PTPRM: variants seen among roughly 807,000 people sequenced by gnomAD.
The protein encoded by PTPRM is receptor-type tyrosine-protein phosphatase mu.
A neutral mutation model predicts 186.7 loss-of-function variants in PTPRM; 47 were observed. The observed-to-expected ratio is 0.25, with a 90% confidence interval of 0.20 to 0.32. The LOEUF (loss-of-function observed/expected upper bound fraction) is 0.32, where lower values mean the gene tolerates loss of function less well. Among genes scored for constraint, PTPRM ranks in the 10% least tolerant of loss-of-function variants. The pLI is 1.00. For missense variants in PTPRM, 1,494 were observed against 1,865.0 expected (o/e 0.80, Z 3.66); for synonymous variants, 668 against 674.9 (o/e 0.99, Z 0.16).
intron 14 of PTPRM, among the ~76,000 whole-genome samples, chr18:8,232,260 C>T (rs974177943): frequency 2.6e-5 from 4 of 152,222 alleles, no homozygotes; most frequent in Non-Finnish European, 4.4e-5. Context: ...GTTTAAGTTT[C>T]CTCCATGCCT....
intron 20 of PTPRM, among the ~76,000 whole-genome samples, chr18:8,311,199 C>T (rs1406324436): frequency 3.3e-5 from 5 of 151,966 alleles, no homozygotes; most frequent in Non-Finnish European, 7.3e-5. Context: ...ATCCCAGCTA[C>T]TCAGGAGGCT....
chr18:8,131,938 A>G (rs757688768), intron 13 of PTPRM, among the ~76,000 whole-genome samples: 32 of 152,338 alleles, frequency 2.1e-4, no homozygotes, highest in Non-Finnish European at 4.0e-4. Flanking sequence ...GAGCTTTTCC[A>G]TTTGCTCTAG....
At chr18:7,892,606 C>T (rs915132697) in intron 3 of PTPRM, among the ~76,000 whole-genome samples, 1 of 152,160 alleles carries the variant, frequency 6.6e-6, no homozygotes, top group Admixed American at 6.5e-5. Flanking sequence ...GAAGTTTTTT[C>T]TCATAGCTTT....
intron 2 of PTPRM, among the ~76,000 whole-genome samples, chr18:7,805,967 G>A (rs1371610774): frequency 6.6e-6 from 1 of 152,196 alleles, no homozygotes; most frequent in Non-Finnish European, 1.5e-5. Context: ...CAGAAATGAA[G>A]AGGGAGGCCA....
intron 20 of PTPRM, among the ~76,000 whole-genome samples, chr18:8,300,875 G>A (rs564208659): frequency 6.0e-4 from 91 of 152,138 alleles, no homozygotes; most frequent in Middle Eastern, 6.8e-3. Flanking sequence ...CTGGGTATCC[G>A]TGTTACCCCT....
At chr18:8,152,643 CTT>C (rs1160615968) in intron 14 of PTPRM, among the ~76,000 whole-genome samples, 1 of 150,212 alleles carries the variant, frequency 6.7e-6, no homozygotes, top group East Asian at 2.0e-4. Context: ...CTATTTCTCT[CTT>C]TATTTCCTTT....
rs113929170 is a variant in PTPRM, at chr18:7,753,893, C to T, written c.74-20256C>T. Reference sequence around the variant, plus strand: ...CATTATTTCATTTTGGGACCTGCTACACTGTTGGATTTTTGGCTTTACTCA... The same window carrying T: ...CATTATTTCATTTTGGGACCTGCTATACTGTTGGATTTTTGGCTTTACTCA... On this transcript the variant is annotated intron_variant, in intron 1 of 32. Coordinates refer to ENST00000580170, the MANE Select transcript of PTPRM (RefSeq NM_001105244.2). Among the ~76,000 whole-genome samples the T allele has an allele frequency of 2.5e-3, 380 of 151,932 alleles. 1 individual carries two copies. Among genetic ancestry groups the T allele is most frequent in the African/African-American group, 8.7e-3 (359 of 41,414 alleles).
At chr18:7,981,210 C>T (rs560203469) in intron 7 of PTPRM, among the ~76,000 whole-genome samples, 2 of 152,260 alleles carry the variant, frequency 1.3e-5, no homozygotes, top group African/African-American at 2.4e-5. Context: ...ATATCCCCTC[C>T]TCAGGGAGGC....
intron 4 of PTPRM, among the ~76,000 whole-genome samples, chr18:7,917,453 G>A (rs900918338): frequency 3.3e-5 from 5 of 152,092 alleles, no homozygotes; most frequent in African/African-American, 1.2e-4. Flanking sequence ...GGAGAATGGC[G>A]TGAACCTGGG....
intron 19 of PTPRM, among the ~76,000 whole-genome samples, chr18:8,293,826 C>T (rs1162572280): frequency 6.6e-6 from 1 of 152,162 alleles, no homozygotes; most frequent in Non-Finnish European, 1.5e-5. Context: ...TAGATGGAAT[C>T]AACTAGCGAT....
intron 1 of PTPRM, among the ~76,000 whole-genome samples, chr18:7,600,831 G>T (rs2037382860): frequency 6.6e-6 from 1 of 152,218 alleles, no homozygotes; most frequent in African/African-American, 2.4e-5. Context: ...GCGCCCCTCA[G>T]TTCCCCTCTG....
intron 1 of PTPRM, among the ~76,000 whole-genome samples, chr18:7,766,766 A>G (rs545017550): frequency 3.3e-4 from 51 of 152,246 alleles, no homozygotes; most frequent in Non-Finnish European, 6.2e-4. Context: ...CTTCTTGCCC[A>G]CTAGTACAGA....
intron 1 of PTPRM, among the ~76,000 whole-genome samples, chr18:7,752,112 G>T (rs903270015): frequency 1.3e-5 from 2 of 152,108 alleles, no homozygotes; most frequent in Non-Finnish European, 2.9e-5. Context: ...TTTTCCTCCT[G>T]TTTCCCCTCC....
At chr18:7,882,505 C>A (rs2048561741) in intron 2 of PTPRM, among the ~76,000 whole-genome samples, 1 of 152,064 alleles carries the variant, frequency 6.6e-6, no homozygotes, top group South Asian at 2.1e-4. Flanking sequence ...CTCTCGTATT[C>A]TAAATCCACA....
At chr18:7,700,918 A>T (rs2039946301) in intron 1 of PTPRM, among the ~76,000 whole-genome samples, 1 of 143,474 alleles carries the variant, frequency 7.0e-6, no homozygotes, top group Admixed American at 7.4e-5. Context: ...CGGAGGTTGC[A>T]GTGAGCTGAG....
chr18:7,785,345 G>A (rs960156034), intron 2 of PTPRM, among the ~76,000 whole-genome samples: 1 of 152,172 alleles, frequency 6.6e-6, no homozygotes, highest in Non-Finnish European at 1.5e-5. Context: ...ATATGAATAT[G>A]TTGGAGAATA....
chr18:7,778,443 A>G (rs1019945245), intron 2 of PTPRM, among the ~76,000 whole-genome samples: 21 of 152,004 alleles, frequency 1.4e-4, no homozygotes, highest in Non-Finnish European at 2.4e-4. Flanking sequence ...TCTAGTAGCA[A>G]TGGGGAAATT....
chr18:7,879,500 C>T (rs564748218), intron 2 of PTPRM, among the ~76,000 whole-genome samples: 5 of 152,120 alleles, frequency 3.3e-5, no homozygotes, highest in Non-Finnish European at 5.9e-5. Flanking sequence ...TGCCCCAATA[C>T]ATAATGGGTG....
chr18:7,933,536 T>C (rs571880664), intron 5 of PTPRM, among the ~76,000 whole-genome samples: 42 of 152,260 alleles, frequency 2.8e-4, no homozygotes, highest in African/African-American at 9.9e-4. Context: ...TTGAAATGTA[T>C]CTCCCATGGA....
Sources: allele counts gnomAD v4.1 joint callset (sites outside exome capture counted in the v4.1 genomes callset), GRCh38; gene constraint gnomAD v4.1.1; transcripts MANE v1.5; gene names NCBI Gene and HGNC (gene_info 2026-07-23, HGNC 2026-07-21).